EBF2: variants seen among roughly 807,000 people sequenced by gnomAD.
EBF2 encodes transcription factor COE2.
Under a neutral mutation model 72.8 loss-of-function variants are expected in EBF2, and 21 were observed. The observed-to-expected ratio is 0.29, with a 90% CI of 0.20 to 0.42. EBF2 has a LOEUF of 0.42. EBF2 is among the 10% of genes least tolerant of loss of function. The pLI is 1.00. For missense variants in EBF2, 637 were observed against 731.2 expected, an observed-to-expected ratio of 0.87 and a Z score of 1.49; for synonymous variants, 299 against 274.2, an observed-to-expected ratio of 1.09 and a Z score of -0.89.
intron 6 of EBF2, among the ~76,000 whole-genome samples, chr8:25,998,194 G>T (rs1170631231): frequency 6.6e-6 from 1 of 152,104 alleles, no homozygotes; most frequent in East Asian, 1.9e-4. Flanking sequence ...CAAAATAAGG[G>T]CAAGACATAA....
chr8:26,028,368 T>C (rs1162652776), intron 6 of EBF2, among the ~76,000 whole-genome samples: 3 of 152,172 alleles, frequency 2.0e-5, no homozygotes, highest in Non-Finnish European at 4.4e-5. Context: ...GACTGGGATA[T>C]TTAGCGTGTG....
At chr8:26,031,252 A>G (rs904767461) in intron 6 of EBF2, among the ~76,000 whole-genome samples, 2 of 152,132 alleles carry the variant, frequency 1.3e-5, no homozygotes, top group African/African-American at 4.8e-5. Context: ...GACAGGGTCT[A>G]GGCTGCTCTC....
chr8:25,944,473 G>C (rs1298974152), intron 6 of EBF2, among the ~76,000 whole-genome samples: 1 of 151,856 alleles, frequency 6.6e-6, no homozygotes, highest in Non-Finnish European at 1.5e-5. Flanking sequence ...TTGGCATCTA[G>C]CACAGGACTT....
intron 6 of EBF2, among the ~76,000 whole-genome samples, chr8:25,973,169 C>A (rs2117191062): frequency 6.6e-6 from 1 of 152,220 alleles, no homozygotes; most frequent in East Asian, 1.9e-4. Context: ...GAGAACCAGG[C>A]TGTCCTTAGG....
intron 10 of EBF2, among the ~76,000 whole-genome samples, chr8:25,864,761 A>G (rs892498911): frequency 1.3e-5 from 2 of 151,932 alleles, no homozygotes; most frequent in African/African-American, 4.8e-5. Flanking sequence ...GTGTCCTTCC[A>G]GAAACACACA....
At chr8:26,038,629 A>G (rs1170545220) in intron 5 of EBF2, among the ~76,000 whole-genome samples, 1 of 152,224 alleles carries the variant, frequency 6.6e-6, no homozygotes, top group Non-Finnish European at 1.5e-5. Context: ...TCTAGGTATT[A>G]TATGAACTAC....
chr8:25,919,971 C>T (rs551687722), intron 6 of EBF2, among the ~76,000 whole-genome samples: 197 of 152,226 alleles, frequency 1.3e-3, no homozygotes, highest in Middle Eastern at 3.4e-3. Flanking sequence ...TTTTTATATG[C>T]CAAACCATAG....
intron 6 of EBF2, among the ~76,000 whole-genome samples, chr8:26,009,237 C>T (rs866920256): frequency 4.0e-5 from 6 of 151,880 alleles, no homozygotes; most frequent in Non-Finnish European, 2.9e-5. Flanking sequence ...ACATACTTTG[C>T]CTGAGTTTTC....
At chr8:25,893,692 A>G (rs952828289) in intron 7 of EBF2, among the ~76,000 whole-genome samples, 1 of 152,100 alleles carries the variant, frequency 6.6e-6, no homozygotes, top group African/African-American at 2.4e-5. Flanking sequence ...AATTCACTCC[A>G]CAAGCTCCTT....
Position 25,858,188 on chromosome 8 carries a change from T to C in EBF2, c.1528+131A>G, listed in dbSNP as rs766536247. On this transcript the variant is annotated intron_variant, in intron 14 of 15. Transcript: ENST00000520164. ...AAAGAACGAAAGGCAGGAAGGATGC[T>C]TAATCAGGAAACTAGGCTGCTCCCC... 2.9e-5 allele frequency: 34 copies of C among 1,159,464 alleles called. 1 individual carries two copies. The Admixed American group carries it at 6.1e-4, about 21-fold the overall frequency. 71.8% of individuals were successfully genotyped at this position (1,159,464 alleles called of 1,614,324 possible).
chr8:25,943,211 A>C (rs988430978), intron 6 of EBF2, among the ~76,000 whole-genome samples: 18 of 151,668 alleles, frequency 1.2e-4, no homozygotes, highest in Admixed American at 1.2e-3. Flanking sequence ...TCATGCCTGT[A>C]ATCTCAGGGT....
chr8:25,912,168 T>G (rs1333151002), intron 6 of EBF2, among the ~76,000 whole-genome samples: 3 of 151,940 alleles, frequency 2.0e-5, no homozygotes, highest in African/African-American at 7.3e-5. Context: ...ACCCCATGGG[T>G]GACGAATCAT....
At chr8:25,922,075 G>T (rs912131760) in intron 6 of EBF2, among the ~76,000 whole-genome samples, 21 of 152,112 alleles carry the variant, frequency 1.4e-4, no homozygotes, top group Admixed American at 5.9e-4. Context: ...CTCACTCCAG[G>T]TTCAAAGAAA....
chr8:26,010,540 TC>T (rs1410561025), intron 6 of EBF2, among the ~76,000 whole-genome samples: 1 of 152,270 alleles, frequency 6.6e-6, no homozygotes, highest in Non-Finnish European at 1.5e-5. Context: ...GGTCACCCGT[TC>T]CCGGCAGAAA....
chr8:25,877,577 AT>A (rs1435749788), intron 10 of EBF2, among the ~76,000 whole-genome samples: 1 of 152,146 alleles, frequency 6.6e-6, no homozygotes, highest in African/African-American at 2.4e-5. Flanking sequence ...GGTCTGGCTA[AT>A]TAACCAGGTA....
At chr8:25,906,756 G>C (rs1421558951) in intron 7 of EBF2, among the ~76,000 whole-genome samples, 1 of 143,726 alleles carries the variant, frequency 7.0e-6, no homozygotes, top group Admixed American at 7.2e-5. Context: ...GACAGAGCGA[G>C]ACTCCATCTC....
chr8:25,861,262 A>G, intron 12 of EBF2, 36 bp from the exon 13 acceptor site: 3 of 1,613,840 alleles, frequency 1.9e-6, no homozygotes, highest in Middle Eastern at 1.7e-4. Context: ...CATTCTATCC[A>G]GCATAAAGTG....
At chr8:25,891,173 T>C (rs1043421910) in intron 7 of EBF2, among the ~76,000 whole-genome samples, 31 of 152,080 alleles carry the variant, frequency 2.0e-4, no homozygotes, top group African/African-American at 7.2e-4. Context: ...AAGACTGGTA[T>C]CAAATCGAGC....
chr8:26,033,147 G>A lies in EBF2; in HGVS notation c.489C>T (p.Cys163=). 6.2e-7 allele frequency: 1 copy of A among 1,613,998 alleles called. No homozygotes were observed. Among genetic ancestry groups the A allele is most frequent in the Non-Finnish European group, 8.5e-7 (1 of 1,179,940 alleles). ...GGTTTCCACAGCTTTTCTTTTCGCAGCATCGACTGTAGATTGGGAAGGAAC... is the reference window on the plus strand; with the variant it reads ...GGTTTCCACAGCTTTTCTTTTCGCAACATCGACTGTAGATTGGGAAGGAAC... ...LLTHEVMCSR[C]CEKKSCGNRN... is the part of the protein sequence containing the mutation. Residue 163 remains cysteine (C), a synonymous_variant, in exon 6 of 16, where the codon TGC becomes TGT. Coordinates refer to ENST00000520164, the MANE Select transcript of EBF2 (RefSeq NM_022659.4).
Sources: allele counts gnomAD v4.1 joint callset (sites outside exome capture counted in the v4.1 genomes callset), GRCh38; gene constraint gnomAD v4.1.1; transcripts MANE v1.5; gene names NCBI Gene and HGNC (gene_info 2026-07-23, HGNC 2026-07-21).